GALNT12: variants seen among roughly 807,000 people sequenced by gnomAD.
GALNT12 encodes the protein polypeptide N-acetylgalactosaminyltransferase 12.
In GALNT12, 45 loss-of-function variants were observed where a neutral mutation model predicts 55.5. That is an observed-to-expected ratio of 0.81 (90% CI 0.64 to 1.04). GALNT12 has a LOEUF of 1.04. Ranked by LOEUF, GALNT12 falls within the 50% of genes least tolerant of loss-of-function variation. The pLI is 0.00. For missense variants in GALNT12, 709 were observed against 754.8 expected, an observed-to-expected ratio of 0.94 and a Z score of 0.71; for synonymous variants, 304 against 312.2, an observed-to-expected ratio of 0.97 and a Z score of 0.28.
rs749538551 is a variant in GALNT12 at position 98,840,185 on chromosome 9, G to T, written c.1344+52G>T. The T allele has an allele frequency of 8.9e-5, 144 of 1,609,128 alleles. 1 individual carries two copies. The highest frequency in any genetic ancestry group is 1.3e-5 in the African/African-American group (1 of 74,792). ...AGGCAGGGACTTCCCTGGCCTCTGG[G>T]TCTGCTCTGCAAATCCTGGGCAAGA... is the stretch of plus-strand genomic sequence containing the variant. On this transcript the variant is annotated intron_variant, in intron 7 of 9. Transcript: ENST00000375011.
chr9:98,809,635 TTAATA>T (rs1835450680), intron 1 of GALNT12, among the ~76,000 whole-genome samples: 1 of 152,220 alleles, frequency 6.6e-6, no homozygotes, highest in Non-Finnish European at 1.5e-5. Context: ...AACTTAGGAA[TTAATA>T]AAGCATCAAT....
chr9:98,817,966 C>G (rs1382931337), intron 1 of GALNT12, among the ~76,000 whole-genome samples: 1 of 151,858 alleles, frequency 6.6e-6, no homozygotes, highest in Non-Finnish European at 1.5e-5. Context: ...TATGACACAC[C>G]AGCATAACAA....
In GALNT12 at chr9:98,844,198, G is replaced by A. The variant is rs1398978396; in HGVS notation, c.1447G>A (p.Gly483Ser). The A allele has an allele frequency of 6.8e-6, 11 of 1,605,854 alleles. No homozygotes were observed. Among genetic ancestry groups the A allele is most frequent in the Non-Finnish European group, 7.7e-6 (9 of 1,172,578 alleles). Residue 483 changes from glycine to serine, a missense_variant, in exon 8 of 10, where the codon GGC becomes AGC. By Grantham distance (56) the Gly-to-Ser change is moderately conservative. Transcript: ENST00000375011. ...QVILYLCHGMGQNQFFEYTSQ... is the reference protein window; with the variant it reads ...QVILYLCHGMSQNQFFEYTSQ... ...CATTCTGTACCTCTGTCATGGGATG[G>A]GCCAGAATCAGGTAGGTATGAGCCT...
At position 98,849,512 on chromosome 9, in the gene GALNT12, C is replaced by A. The variant is rs1296599060; in HGVS notation, c.*420C>A. On this transcript the variant is annotated 3_prime_UTR_variant, in exon 10 of 10. Coordinates refer to ENST00000375011, the MANE Select transcript of GALNT12 (RefSeq NM_024642.5). Reference sequence around the variant, plus strand: ...ATGGGTGGAAATCAGGTTCAAGCAACGTACTTTGCATTAACTGATAATACC... The same window carrying A: ...ATGGGTGGAAATCAGGTTCAAGCAAAGTACTTTGCATTAACTGATAATACC... The A allele has an allele frequency of 4.0e-6, 2 of 499,412 alleles. No homozygotes were observed. Among genetic ancestry groups the A allele is most frequent in the Non-Finnish European group, 6.9e-6 (2 of 287,972 alleles). The allele number at this position is 499,412 out of a possible 1,614,324, so 30.9% of individuals were successfully genotyped here.
chr9:98,823,460 C>T (rs139632096), intron 2 of GALNT12, 35 bp downstream of exon 2: 2 of 1,586,738 alleles, frequency 1.3e-6, no homozygotes, highest in East Asian at 2.2e-5. Context: ...AAGAGCCTGT[C>T]CTTCTGTAGC....
chr9:98,817,235 G>A (rs952804735), intron 1 of GALNT12, among the ~76,000 whole-genome samples: 1 of 152,142 alleles, frequency 6.6e-6, no homozygotes, highest in African/African-American at 2.4e-5. Flanking sequence ...CAAAATGCTG[G>A]GATTACAGGT....
In GALNT12 at chr9:98,839,046, C is replaced by A. The variant is rs541757609; in HGVS notation, c.1213-956C>A. Among the ~76,000 whole-genome samples the A allele has an allele frequency of 2.0e-5, 3 of 152,224 alleles. No individual in the cohort carries two copies. The South Asian group carries it at 6.2e-4, about 32-fold the overall frequency. ...CATGGTCATTTGCTTCTGCCTCCTC[C>A]GTCTTGCCCAGCACCATAGAGTAGA... On this transcript the variant is annotated intron_variant, in intron 6 of 9. Coordinates refer to ENST00000375011, the MANE Select transcript of GALNT12 (RefSeq NM_024642.5).
chr9:98,823,291 C>A lies in GALNT12; in HGVS notation c.407C>A (p.Pro136His). ...AAGAAATATGATTATGATAATTTGC[C>A]CAGGACATCTGTTATCATAGCATTT... ...KEKKYDYDNL[P>H]RTSVIIAFYN... The change falls in exon 2 of 10, where the codon CCC (proline) becomes CAC (histidine). Residue 136 changes from proline to histidine, a missense_variant. Pro to His is a moderately conservative substitution (Grantham distance 77). Transcript: ENST00000375011. 1 of 1,614,086 alleles carries A rather than the reference C, an allele frequency of 6.2e-7. No homozygotes were observed. Among genetic ancestry groups the A allele is most frequent in the East Asian group, 2.2e-5 (1 of 44,878 alleles).
intron 7 of GALNT12, among the ~76,000 whole-genome samples, chr9:98,840,337 G>C (rs1178477630): frequency 6.6e-6 from 1 of 150,504 alleles, no homozygotes; most frequent in African/African-American, 2.4e-5. Flanking sequence ...GAATGTCAGA[G>C]CTGGAAGCCA....
chr9:98,836,888 T>TGGGGG, intron 5 of GALNT12, 84 bp from the exon 6 acceptor site: 1 of 1,446,918 alleles, frequency 6.9e-7, no homozygotes, highest in South Asian at 1.1e-5. Flanking sequence ...GCCTTGCGTG[T>TGGGGG]GCCTGGCCTC....
chr9:98,835,471 C>T (rs187300595), intron 5 of GALNT12, 105 bp downstream of exon 5: 31 of 798,438 alleles, frequency 3.9e-5, no homozygotes, highest in African/African-American at 2.9e-4. Flanking sequence ...GATGATGACA[C>T]GCATATCCTA....
rs1050339057 is a variant in GALNT12, at chr9:98,833,363, A to G, written c.917+1406A>G. Among the ~76,000 whole-genome samples the G allele has an allele frequency of 4.6e-5, 7 of 152,242 alleles. No individual in the cohort carries two copies. In the East Asian group the frequency reaches 1.4e-3, roughly 29 times the overall value. On this transcript the variant is annotated intron_variant, in intron 4 of 9. Coordinates refer to ENST00000375011, the MANE Select transcript of GALNT12 (RefSeq NM_024642.5). Reference sequence around the variant, plus strand: ...GACCTTAAGATGACCCGCTGCTGGCAGGAGTGGAGCAAGCAAGGAGAGTGT... The same window carrying G: ...GACCTTAAGATGACCCGCTGCTGGCGGGAGTGGAGCAAGCAAGGAGAGTGT...
chr9:98,848,827 A>G, intron 9 of GALNT12, 125 bp from the exon 10 acceptor site: 1 of 1,121,986 alleles, frequency 8.9e-7, no homozygotes, highest in South Asian at 1.3e-5. Flanking sequence ...GTTACACGGA[A>G]GACACTTACC....
Position 98,844,225 on chromosome 9 carries a change from A to G in GALNT12, c.1458+16A>G, listed in dbSNP as rs1449364048. The stretch of plus-strand genomic sequence containing the variant: ...CCAGAATCAGGTAGGTATGAGCCTC[A>G]AAAGAGGAGAAAGCTGTGTGTTTTG... On this transcript the variant is annotated intron_variant, in intron 8 of 9. Coordinates refer to ENST00000375011, the MANE Select transcript of GALNT12 (RefSeq NM_024642.5). The G allele has an allele frequency of 2.1e-6, 3 of 1,405,142 alleles. No individual in the cohort carries two copies. Among genetic ancestry groups the G allele is most frequent in the East Asian group, 4.6e-5 (2 of 43,872 alleles). 87.0% of individuals were successfully genotyped at this position (1,405,142 alleles called of 1,614,324 possible).
intron 9 of GALNT12, among the ~76,000 whole-genome samples, chr9:98,846,567 T>G (rs1836418484): frequency 6.6e-6 from 1 of 151,864 alleles, no homozygotes; most frequent in African/African-American, 2.4e-5. Flanking sequence ...AGCTTTAAAA[T>G]AGGTACAATA....
At chr9:98,825,233 A>G (rs1564252254) in intron 2 of GALNT12, among the ~76,000 whole-genome samples, 1 of 152,258 alleles carries the variant, frequency 6.6e-6, no homozygotes, top group African/African-American at 2.4e-5. Flanking sequence ...CTAAAGTCAA[A>G]GAGCGGATTA....
intron 1 of GALNT12, among the ~76,000 whole-genome samples, chr9:98,816,731 A>G (rs960612133): frequency 7.6e-6 from 1 of 131,300 alleles, no homozygotes; most frequent in Non-Finnish European, 1.6e-5. Flanking sequence ...GCTCACTGCC[A>G]CCCCCGCCTC....
At chr9:98,814,916 C>G (rs928532383) in intron 1 of GALNT12, among the ~76,000 whole-genome samples, 15 of 152,164 alleles carry the variant, frequency 9.9e-5, no homozygotes, top group Non-Finnish European at 2.1e-4. Flanking sequence ...ACAAGGCGTG[C>G]TGAAAATACA....
intron 6 of GALNT12, among the ~76,000 whole-genome samples, chr9:98,838,404 G>C (rs1292532268): frequency 6.6e-6 from 1 of 151,976 alleles, no homozygotes; most frequent in Non-Finnish European, 1.5e-5. Flanking sequence ...TGAAGTCTCA[G>C]CTCAGTTGGC....
Sources: allele counts gnomAD v4.1 joint callset (sites outside exome capture counted in the v4.1 genomes callset), GRCh38; gene constraint gnomAD v4.1.1; transcripts MANE v1.5; gene names NCBI Gene and HGNC (gene_info 2026-07-23, HGNC 2026-07-21).